UBE4A: variants seen among roughly 807,000 people sequenced by gnomAD.
UBE4A encodes the protein ubiquitin conjugation factor E4 A.
In UBE4A, 48 loss-of-function variants were observed where a neutral mutation model predicts 117.9. That is an observed-to-expected ratio of 0.41 (90% CI 0.32 to 0.52). The LOEUF (loss-of-function observed/expected upper bound fraction) is 0.52, where lower values mean the gene tolerates loss of function less well. Ranked by LOEUF, UBE4A falls within the 20% of genes least tolerant of loss-of-function variation. The pLI is 0.33. For synonymous variants in UBE4A, 407 were observed against 450.0 expected (o/e 0.90, Z 1.21); for missense variants, 1,067 against 1,296.3 (o/e 0.82, Z 2.72).
intron 10 of UBE4A, among the ~76,000 whole-genome samples, chr11:118,377,557 TC>T (rs1169907012): frequency 2.6e-5 from 4 of 152,114 alleles, no homozygotes; most frequent in African/African-American, 7.2e-5. Flanking sequence ...ATCACTGTCT[TC>T]CTATTGTGAT....
At chr11:118,360,075 A>G (rs971118475) in intron 1 of UBE4A, among the ~76,000 whole-genome samples, 1 of 152,236 alleles carries the variant, frequency 6.6e-6, no homozygotes, top group African/African-American at 2.4e-5. Flanking sequence ...AGATGCCAAG[A>G]AGATAAGATT....
intron 9 of UBE4A, among the ~76,000 whole-genome samples, chr11:118,376,344 GA>G (rs1948652233): frequency 6.6e-6 from 1 of 152,208 alleles, no homozygotes; most frequent in Non-Finnish European, 1.5e-5. Flanking sequence ...CCTATCACTT[GA>G]AACAATCTAT....
At chr11:118,367,980 A>G (rs1948577989) in intron 2 of UBE4A, among the ~76,000 whole-genome samples, 1 of 152,248 alleles carries the variant, frequency 6.6e-6, no homozygotes, top group South Asian at 2.1e-4. Context: ...AAAAGTAGCT[A>G]CATAAACCAC....
intron 17 of UBE4A, 71 bp downstream of exon 17, chr11:118,389,976 C>T: frequency 7.2e-7 from 1 of 1,386,076 alleles, no homozygotes; most frequent in South Asian, 1.7e-5. Flanking sequence ...AGTAGAATGA[C>T]TGGTTGGTAA....
At chr11:118,381,220 A>G (rs1948702396) in intron 11 of UBE4A, among the ~76,000 whole-genome samples, 171 bp from the exon 12 acceptor site, 1 of 152,222 alleles carries the variant, frequency 6.6e-6, no homozygotes, top group Admixed American at 6.5e-5. Flanking sequence ...AAATTGACTT[A>G]CATTTAAAGG....
chr11:118,365,778 G>T (rs1948557929), intron 2 of UBE4A, among the ~76,000 whole-genome samples: 1 of 152,150 alleles, frequency 6.6e-6, no homozygotes. Flanking sequence ...TAAAAAATCT[G>T]ATCCTTAGCC....
chr11:118,383,916 T>C (rs574683755), intron 13 of UBE4A, among the ~76,000 whole-genome samples: 3 of 152,324 alleles, frequency 2.0e-5, no homozygotes, highest in Admixed American at 2.0e-4. Flanking sequence ...ATCTTTATAA[T>C]ACATAAGAAA....
intron 16 of UBE4A, among the ~76,000 whole-genome samples, chr11:118,388,363 G>A (rs547051095): frequency 2.0e-5 from 3 of 152,212 alleles, no homozygotes; most frequent in African/African-American, 7.2e-5. Flanking sequence ...TTAAGAAGAA[G>A]CGATAGGCCA....
At chr11:118,359,742 A>C (rs1412841116) in intron 1 of UBE4A, 68 bp downstream of exon 1, 2 of 152,312 alleles carry the variant, frequency 1.3e-5, no homozygotes, top group African/African-American at 4.8e-5. Flanking sequence ...CTGCTGGTCC[A>C]ATGCCACTTC....
chr11:118,396,289 A>G (rs782772869), intron 19 of UBE4A, 25 bp from the exon 20 acceptor site: 16 of 1,601,388 alleles, frequency 1.0e-5, no homozygotes, highest in Non-Finnish European at 1.3e-5. Context: ...AAATAACCCT[A>G]TTTCCCTTTC....
At chr11:118,383,674 C>T (rs536938057) in intron 13 of UBE4A, among the ~76,000 whole-genome samples, 99 of 151,718 alleles carry the variant, frequency 6.5e-4, no homozygotes, top group African/African-American at 2.4e-3. Context: ...AAACAGTACC[C>T]TGTCTCAATC....
At chr11:118,381,630 A>G in intron 12 of UBE4A, 107 bp downstream of exon 12, 1 of 1,435,530 alleles carries the variant, frequency 7.0e-7, no homozygotes. Context: ...TTGCCTTCAG[A>G]AGTTATGGTA....
At chr11:118,393,003 T>C (rs1948833915) in intron 19 of UBE4A, 108 bp downstream of exon 19, 1 of 1,097,618 alleles carries the variant, frequency 9.1e-7, no homozygotes, top group Non-Finnish European at 1.3e-6. Context: ...ATACCACATA[T>C]TATTGATTTA....
Position 118,372,521 on chromosome 11 carries a change from A to G in UBE4A, c.576A>G (p.Pro192=). ...QRAKEEITKV[P]ENLLPFAVQC... ...GCTGTTTGCAGATTACCAAAGTTCC[A>G]GAGAACCTGCTACCCTTTGCAGTGC... The change falls in exon 6 of 20, where the codon CCA becomes CCG. Residue 192 remains proline, a synonymous_variant. Transcript: ENST00000252108. 1 of 1,601,542 alleles carries G rather than the reference A, an allele frequency of 6.2e-7. No individual in the cohort carries two copies. The highest frequency in any genetic ancestry group is 8.5e-7 in the Non-Finnish European group (1 of 1,176,908).
intron 19 of UBE4A, among the ~76,000 whole-genome samples, chr11:118,393,159 G>A (rs1006424328): frequency 6.6e-6 from 1 of 152,158 alleles, no homozygotes; most frequent in Non-Finnish European, 1.5e-5. Flanking sequence ...GCTCATGCCT[G>A]TAATCCCAGC....
chr11:118,360,330 T>A (rs1461502633), intron 1 of UBE4A, among the ~76,000 whole-genome samples: 1 of 152,138 alleles, frequency 6.6e-6, no homozygotes, highest in Admixed American at 6.5e-5. Flanking sequence ...CATTTACTGT[T>A]TTGGTCTCAC....
At chr11:118,365,461 G>GGAT in intron 2 of UBE4A, among the ~76,000 whole-genome samples, 1 of 152,060 alleles carries the variant, frequency 6.6e-6, no homozygotes, top group Non-Finnish European at 1.5e-5. Flanking sequence ...AGTAACAGAT[G>GGAT]CCAGTCGTGA....
At chr11:118,396,287 C>T in intron 19 of UBE4A, 27 bp from the exon 20 acceptor site, 3 of 1,600,430 alleles carry the variant, frequency 1.9e-6, no homozygotes, top group Non-Finnish European at 2.6e-6. Context: ...GGAAATAACC[C>T]TATTTCCCTT....
At chr11:118,375,331 A>C (rs1948642568) in intron 9 of UBE4A, 102 bp downstream of exon 9, 1 of 1,201,014 alleles carries the variant, frequency 8.3e-7, no homozygotes, top group Admixed American at 3.2e-5. Flanking sequence ...TTCTCAAAAA[A>C]AGATGAGGCA....
Sources: allele counts gnomAD v4.1 joint callset (sites outside exome capture counted in the v4.1 genomes callset), GRCh38; gene constraint gnomAD v4.1.1; transcripts MANE v1.5; gene names NCBI Gene and HGNC (gene_info 2026-07-23, HGNC 2026-07-21).